Variants in SEMA6D observed in about 807,000 individuals in gnomAD.
The protein encoded by SEMA6D is semaphorin-6D.
SEMA6D carries 35 observed loss-of-function variants against 106.6 expected under a neutral mutation model. The observed-to-expected ratio is 0.33, with a 90% CI of 0.25 to 0.44. SEMA6D has a LOEUF of 0.44. Ranked by LOEUF, SEMA6D falls within the 20% of genes least tolerant of loss-of-function variation. The pLI, the probability that SEMA6D is intolerant of heterozygous loss-of-function variation, is 1.00. For synonymous variants in SEMA6D, 499 were observed against 487.7 expected (o/e 1.02, Z -0.31); for missense variants, 1,185 against 1,345.9 (o/e 0.88, Z 1.87).
At chr15:47,689,650 T>C (rs2078542981) in intron 4 of SEMA6D, among the ~76,000 whole-genome samples, 2 of 152,186 alleles carry the variant, frequency 1.3e-5, no homozygotes, top group South Asian at 4.1e-4. Flanking sequence ...ACCTAAAGGC[T>C]CTAACAAGGA....
chr15:47,296,605 A>C (rs2142932163), intron 1 of SEMA6D, among the ~76,000 whole-genome samples: 1 of 152,348 alleles, frequency 6.6e-6, no homozygotes, highest in South Asian at 2.1e-4. Context: ...AACAACATAA[A>C]AGTGAAGAAC....
At chr15:47,628,302 T>C (rs2144423069) in intron 4 of SEMA6D, among the ~76,000 whole-genome samples, 1 of 152,196 alleles carries the variant, frequency 6.6e-6, no homozygotes, top group East Asian at 1.9e-4. Flanking sequence ...TATATGTGAG[T>C]TGTATGTTTA....
intron 1 of SEMA6D, among the ~76,000 whole-genome samples, chr15:47,233,662 A>G (rs984528491): frequency 1.3e-5 from 2 of 151,742 alleles, no homozygotes; most frequent in Non-Finnish European, 2.9e-5. Context: ...TGGGTATTTT[A>G]TTCTTTTTGA....
At chr15:47,762,015 C>G (rs1198183997) in intron 7 of SEMA6D, among the ~76,000 whole-genome samples, 185 bp from the exon 8 acceptor site, 1 of 152,116 alleles carries the variant, frequency 6.6e-6, no homozygotes, top group Non-Finnish European at 1.5e-5. Flanking sequence ...GCCTAGATCC[C>G]TGTAAAATTA....
At chr15:47,340,530 G>T (rs1048492946) in intron 1 of SEMA6D, among the ~76,000 whole-genome samples, 8 of 152,074 alleles carry the variant, frequency 5.3e-5, no homozygotes, top group Non-Finnish European at 1.0e-4. Flanking sequence ...CAGGAGAAAA[G>T]AATATATATC....
At chr15:47,199,060 A>G (rs1894545430) in intron 1 of SEMA6D, among the ~76,000 whole-genome samples, 2 of 152,234 alleles carry the variant, frequency 1.3e-5, no homozygotes, top group African/African-American at 2.4e-5. Context: ...CAGCATCAGC[A>G]GTAAGTAATT....
intron 13 of SEMA6D, 183 bp downstream of exon 13, chr15:47,765,239 G>C (rs532523425): frequency 5.8e-6 from 8 of 1,384,066 alleles, no homozygotes; most frequent in Admixed American, 3.1e-5. Flanking sequence ...TAGGGCGAGG[G>C]GGGTGAATGG....
In SEMA6D at chr15:47,766,018, G is replaced by T. The variant is rs546480011; in HGVS notation, c.1568+9G>T. On this transcript the variant is annotated intron_variant, in intron 14 of 18. Transcript: ENST00000536845. Reference sequence around the variant, plus strand: ...TATGGATCATGTAAAAAGTAAGCTCGTGTTTCTTTACTTACCCTGGGTCTT... The same window carrying T: ...TATGGATCATGTAAAAAGTAAGCTCTTGTTTCTTTACTTACCCTGGGTCTT... 1 of 1,602,858 alleles carries T rather than the reference G, an allele frequency of 6.2e-7. No homozygotes were observed. Among genetic ancestry groups the T allele is most frequent in the Non-Finnish European group, 8.5e-7 (1 of 1,173,288 alleles).
chr15:47,658,062 C>T (rs965085346), intron 4 of SEMA6D, among the ~76,000 whole-genome samples: 9 of 151,998 alleles, frequency 5.9e-5, no homozygotes, highest in Admixed American at 3.3e-4. Flanking sequence ...TTTACCCTTA[C>T]TTTAATGTGA....
At chr15:47,265,767 G>A (rs959343751) in intron 1 of SEMA6D, among the ~76,000 whole-genome samples, 1 of 151,940 alleles carries the variant, frequency 6.6e-6, no homozygotes, top group African/African-American at 2.4e-5. Context: ...TGTGGGGATT[G>A]CTATTTTTTA....
chr15:47,306,930 A>G (rs1356798218), intron 1 of SEMA6D, among the ~76,000 whole-genome samples: 1 of 152,210 alleles, frequency 6.6e-6, no homozygotes, highest in Non-Finnish European at 1.5e-5. Flanking sequence ...AGCAGCTTAT[A>G]TATGTGCGTA....
chr15:47,729,493 A>G (rs1175082137), intron 1 of SEMA6D, among the ~76,000 whole-genome samples: 1 of 152,208 alleles, frequency 6.6e-6, no homozygotes, highest in African/African-American at 2.4e-5. Flanking sequence ...CTAGTTCAGC[A>G]AAGGGTAGTT....
At chr15:47,430,532 A>G (rs1213592722) in intron 2 of SEMA6D, among the ~76,000 whole-genome samples, 1 of 152,090 alleles carries the variant, frequency 6.6e-6, no homozygotes, top group Non-Finnish European at 1.5e-5. Flanking sequence ...GCACAGAGAC[A>G]GGCTAATGTG....
chr15:47,318,898 T>A (rs2036806724), intron 1 of SEMA6D, among the ~76,000 whole-genome samples: 1 of 151,682 alleles, frequency 6.6e-6, no homozygotes, highest in Non-Finnish European at 1.5e-5. Flanking sequence ...TGTAAAAGTG[T>A]TCCTATTTCT....
At chr15:47,229,556 T>G (rs1364626928) in intron 1 of SEMA6D, among the ~76,000 whole-genome samples, 2 of 150,414 alleles carry the variant, frequency 1.3e-5, no homozygotes, top group East Asian at 3.9e-4. Context: ...ATTTCCCATT[T>G]GTCTGCTGTC....
At chr15:47,435,353 C>G (rs1007548075) in intron 2 of SEMA6D, among the ~76,000 whole-genome samples, 1 of 152,080 alleles carries the variant, frequency 6.6e-6, no homozygotes, top group Non-Finnish European at 1.5e-5. Context: ...AGTAGGTTCT[C>G]ACTCTACTCT....
intron 1 of SEMA6D, among the ~76,000 whole-genome samples, chr15:47,371,633 G>C (rs777204383): frequency 2.0e-5 from 3 of 151,974 alleles, no homozygotes; most frequent in Non-Finnish European, 4.4e-5. Flanking sequence ...CTGCATATGT[G>C]GTACTGAGCA....
At chr15:47,242,476 G>T (rs1264875497) in intron 1 of SEMA6D, among the ~76,000 whole-genome samples, 1 of 152,100 alleles carries the variant, frequency 6.6e-6, no homozygotes, top group African/African-American at 2.4e-5. Context: ...GTAGACCTGG[G>T]TCAGGCTCAA....
At chr15:47,425,712 C>T (rs1400547798) in intron 2 of SEMA6D, among the ~76,000 whole-genome samples, 1 of 150,774 alleles carries the variant, frequency 6.6e-6, no homozygotes, top group Non-Finnish European at 1.5e-5. Context: ...ACTCTGTTAC[C>T]CGGGCTGGAG....
Sources: allele counts gnomAD v4.1 joint callset (sites outside exome capture counted in the v4.1 genomes callset), GRCh38; gene constraint gnomAD v4.1.1; transcripts MANE v1.5; gene names NCBI Gene and HGNC (gene_info 2026-07-23, HGNC 2026-07-21).